Variants in PLA2G4A observed in about 807,000 individuals in gnomAD.
PLA2G4A encodes the protein phospholipase A2 group IVA, also known as cytosolic phospholipase A2.
Under a neutral mutation model 81.9 loss-of-function variants are expected in PLA2G4A, and 40 were observed. That is an observed-to-expected ratio of 0.49 (90% confidence interval 0.38 to 0.64). The LOEUF (loss-of-function observed/expected upper bound fraction) is 0.64. Ranked by LOEUF, PLA2G4A falls within the 30% of genes least tolerant of loss-of-function variation. The pLI, the probability that PLA2G4A is intolerant of heterozygous loss-of-function variation, is 0.00. For synonymous variants in PLA2G4A, 302 were observed against 296.9 expected (o/e 1.02, Z -0.18); for missense variants, 715 against 905.1 (o/e 0.79, Z 2.69).
At chr1:186,928,363 G>A (rs1655624702) in intron 7 of PLA2G4A, among the ~76,000 whole-genome samples, 1 of 152,134 alleles carries the variant, frequency 6.6e-6, no homozygotes, top group African/African-American at 2.4e-5. Flanking sequence ...TGCTTACTTT[G>A]AATAAGCAGA....
intron 6 of PLA2G4A, among the ~76,000 whole-genome samples, chr1:186,908,133 C>T (rs1654807862): frequency 6.6e-6 from 1 of 151,904 alleles, no homozygotes; most frequent in South Asian, 2.1e-4. Flanking sequence ...TTTTCCATGT[C>T]ATGCCTTCTA....
intron 3 of PLA2G4A, among the ~76,000 whole-genome samples, chr1:186,873,589 TC>T (rs1251015803): frequency 6.6e-6 from 1 of 152,078 alleles, no homozygotes; most frequent in African/African-American, 2.4e-5. Context: ...ACTAGTTAAT[TC>T]TTGGTAAAAT....
At chr1:186,947,039 T>C in intron 12 of PLA2G4A, 78 bp downstream of exon 12, 1 of 786,866 alleles carries the variant, frequency 1.3e-6, no homozygotes, top group Non-Finnish European at 2.2e-6. Flanking sequence ...GAGAGAATAT[T>C]AAATCTTTGT....
intron 3 of PLA2G4A, among the ~76,000 whole-genome samples, chr1:186,878,246 A>G (rs1285155922): frequency 7.1e-6 from 1 of 140,472 alleles, no homozygotes. Context: ...CTATATAAAT[A>G]TGTCTTTTCT....
chr1:186,887,946 T>A (rs181093437), intron 3 of PLA2G4A, among the ~76,000 whole-genome samples: 1 of 152,316 alleles, frequency 6.6e-6, no homozygotes, highest in East Asian at 1.9e-4. Context: ...ACCACTGTTA[T>A]AGATATTTCT....
chr1:186,933,304 C>T (rs962599197), intron 8 of PLA2G4A, among the ~76,000 whole-genome samples: 1 of 151,984 alleles, frequency 6.6e-6, no homozygotes, highest in Non-Finnish European at 1.5e-5. Context: ...TCATTTTCTT[C>T]TTTAGGGCAA....
intron 3 of PLA2G4A, among the ~76,000 whole-genome samples, chr1:186,873,462 G>A (rs1466691113): frequency 6.6e-6 from 1 of 152,040 alleles, no homozygotes; most frequent in Non-Finnish European, 1.5e-5. Flanking sequence ...TATAAAGGTA[G>A]AGTTCCATAA....
chr1:186,925,932 G>A (rs1557877437), intron 7 of PLA2G4A, among the ~76,000 whole-genome samples: 1 of 152,138 alleles, frequency 6.6e-6, no homozygotes, highest in Non-Finnish European at 1.5e-5. Context: ...GTAGATCCTT[G>A]GTGAATATTT....
intron 2 of PLA2G4A, 131 bp from the exon 3 acceptor site, chr1:186,870,304 C>G (rs1653210382): frequency 5.7e-6 from 4 of 702,220 alleles, no homozygotes; most frequent in African/African-American, 3.5e-5. Flanking sequence ...AAAGAAGCAG[C>G]CTTACATCAA....
At chr1:186,925,558 G>T (rs751927620) in intron 7 of PLA2G4A, among the ~76,000 whole-genome samples, 1 of 151,922 alleles carries the variant, frequency 6.6e-6, no homozygotes, top group Non-Finnish European at 1.5e-5. Context: ...CCTGTACAGC[G>T]CTCCCTCTTG....
At chr1:186,932,527 C>G (rs1042813182) in intron 7 of PLA2G4A, among the ~76,000 whole-genome samples, 43 of 151,974 alleles carry the variant, frequency 2.8e-4, no homozygotes, top group East Asian at 1.9e-4. Flanking sequence ...TCTCGAACTC[C>G]TGACTTCAGG....
Position 186,854,391 on chromosome 1 carries a change from A to C in PLA2G4A, c.33+4A>C, listed in dbSNP as rs1652480319. On this transcript the variant is annotated splice_donor_region_variant and intron_variant, in intron 2 of 17. Transcript: ENST00000367466. ...AGATCCTTACCAGCACATTATAGTA[A>C]GTCATTCACTGTTTATGAATTCTTT... The C allele has an allele frequency of 6.5e-7, 1 of 1,547,630 alleles. No homozygotes were observed. The highest frequency in any genetic ancestry group is 8.9e-7 in the Non-Finnish European group (1 of 1,120,008).
chr1:186,962,151 G>T (rs1476972969), intron 14 of PLA2G4A, among the ~76,000 whole-genome samples: 1 of 151,826 alleles, frequency 6.6e-6, no homozygotes, highest in African/African-American at 2.4e-5. Flanking sequence ...GCCCCAAAGT[G>T]TAAGAGTAGT....
chr1:186,847,421 G>C (rs1652218031), intron 1 of PLA2G4A, among the ~76,000 whole-genome samples: 1 of 151,258 alleles, frequency 6.6e-6, no homozygotes, highest in African/African-American at 2.4e-5. Flanking sequence ...GCCCGGTTTT[G>C]TCAATGTGTT....
chr1:186,912,977 G>A (rs1655016748), intron 7 of PLA2G4A, among the ~76,000 whole-genome samples: 1 of 150,308 alleles, frequency 6.7e-6, no homozygotes, highest in South Asian at 2.1e-4. Context: ...ATTAAACTGT[G>A]GAAATCATCA....
At chr1:186,970,845 C>A (rs1461460530) in intron 15 of PLA2G4A, among the ~76,000 whole-genome samples, 1 of 151,808 alleles carries the variant, frequency 6.6e-6, no homozygotes, top group Non-Finnish European at 1.5e-5. Context: ...TAATGTGATG[C>A]CTCCAGCTTT....
chr1:186,861,580 T>A (rs1206756928), intron 2 of PLA2G4A, among the ~76,000 whole-genome samples: 1 of 152,178 alleles, frequency 6.6e-6, no homozygotes, highest in African/African-American at 2.4e-5. Context: ...TGAGTGGAAT[T>A]CCCTCATTAC....
intron 3 of PLA2G4A, among the ~76,000 whole-genome samples, chr1:186,884,735 T>A (rs1558399724): frequency 1.3e-5 from 2 of 151,762 alleles, no homozygotes; most frequent in African/African-American, 4.8e-5. Flanking sequence ...AAAAATTAGC[T>A]GAGCATGATG....
rs145818677 is a variant in PLA2G4A at position 186,894,188 on chromosome 1, G to A, written c.355G>A (p.Glu119Lys). 1,914 of 1,374,542 alleles carry A rather than the reference G, an allele frequency of 1.4e-3. 20 individuals carry two copies. The highest frequency in any genetic ancestry group is 2.1e-3 in the South Asian group (182 of 86,424). 85.1% of individuals were successfully genotyped at this position (1,374,542 alleles called of 1,614,324 possible). The change falls in exon 5 of 18, where the codon GAA (glutamate) becomes AAA (lysine). Residue 119 changes from glutamate to lysine, a missense_variant. Physicochemically the swap from Glu to Lys is moderately conservative, Grantham distance 56. Transcript: ENST00000367466. ...TTCTATGAAGGTGGGAGAAAAGAAA[G>A]AAGTTCCTTTTATTTTCAACCAAGT... ...VSSMKVGEKK[E>K]VPFIFNQVTE...
Sources: allele counts gnomAD v4.1 joint callset (sites outside exome capture counted in the v4.1 genomes callset), GRCh38; gene constraint gnomAD v4.1.1; transcripts MANE v1.5; gene names NCBI Gene and HGNC (gene_info 2026-07-23, HGNC 2026-07-21).